FBXO11: variants seen among roughly 807,000 people sequenced by gnomAD.
The protein encoded by FBXO11 is F-box only protein 11.
Under a neutral mutation model 117.0 loss-of-function variants are expected in FBXO11, and 13 were observed. The ratio of observed to expected loss-of-function variants is 0.11; its 90% CI spans 0.07 to 0.18. FBXO11 has a LOEUF of 0.18. FBXO11 is among the 10% of genes least tolerant of loss of function. The pLI, the probability that FBXO11 is intolerant of heterozygous loss-of-function variation, is 1.00. For missense variants in FBXO11, 767 were observed against 1,164.4 expected, an observed-to-expected ratio of 0.66 and a Z score of 4.97; for synonymous variants, 490 against 380.5, an observed-to-expected ratio of 1.29 and a Z score of -3.35.
intron 16 of FBXO11, 153 bp downstream of exon 16, chr2:47,818,626 T>C: frequency 1.6e-6 from 1 of 632,624 alleles, no homozygotes; most frequent in Non-Finnish European, 2.8e-6. Flanking sequence ...AAAGCTACAT[T>C]CTGACAATTT....
chr2:47,897,901 T>A (rs1248014634), intron 1 of FBXO11, among the ~76,000 whole-genome samples: 3 of 152,092 alleles, frequency 2.0e-5, no homozygotes, highest in Non-Finnish European at 4.4e-5. Flanking sequence ...TCTCTAAGTA[T>A]GAGAAAATAC....
At chr2:47,884,873 T>C (rs1309108153) in intron 1 of FBXO11, among the ~76,000 whole-genome samples, 1 of 150,610 alleles carries the variant, frequency 6.6e-6, no homozygotes, top group East Asian at 1.9e-4. Flanking sequence ...AGAAGTTTAC[T>C]GTAAAACAGG....
intron 1 of FBXO11, among the ~76,000 whole-genome samples, chr2:47,860,512 G>A (rs1366275913): frequency 6.6e-6 from 1 of 151,218 alleles, no homozygotes; most frequent in Admixed American, 6.6e-5. Flanking sequence ...CCAGGTTCAA[G>A]CAATTCTCCT....
At chr2:47,902,204 G>T (rs887523920) in intron 1 of FBXO11, among the ~76,000 whole-genome samples, 4 of 152,332 alleles carry the variant, frequency 2.6e-5, no homozygotes, top group African/African-American at 9.6e-5. Flanking sequence ...AAAGTGCTGG[G>T]ATTACAGGCG....
chr2:47,878,386 C>T (rs958638865), intron 1 of FBXO11, among the ~76,000 whole-genome samples: 42 of 151,894 alleles, frequency 2.8e-4, no homozygotes, highest in African/African-American at 1.0e-3. Context: ...AAGACAGAGT[C>T]TCACTCTGTC....
chr2:47,869,590 C>T (rs1281427470), intron 1 of FBXO11, among the ~76,000 whole-genome samples: 1 of 152,122 alleles, frequency 6.6e-6, no homozygotes, highest in Non-Finnish European at 1.5e-5. Flanking sequence ...TTTGGGTTAT[C>T]CCACCAGGTA....
At chr2:47,875,926 C>T (rs1400603685) in intron 1 of FBXO11, among the ~76,000 whole-genome samples, 8 of 152,154 alleles carry the variant, frequency 5.3e-5, no homozygotes, top group Non-Finnish European at 4.4e-5. Context: ...AGAAAAGCAG[C>T]AGCAGCAGCA....
intron 11 of FBXO11, among the ~76,000 whole-genome samples, chr2:47,825,823 C>T (rs112364231): frequency 1.3e-5 from 2 of 151,912 alleles, no homozygotes; most frequent in African/African-American, 4.8e-5. Context: ...GCAATCCTCC[C>T]GCCTTGGCCT....
At chr2:47,813,518 A>G in intron 17 of FBXO11, 141 bp from the exon 18 acceptor site, 1 of 597,582 alleles carries the variant, frequency 1.7e-6, no homozygotes, top group Non-Finnish European at 2.6e-6. Context: ...TGCAACCTCC[A>G]CCTCCCGGGT....
At chr2:47,904,504 G>C (rs1008447341) in intron 1 of FBXO11, among the ~76,000 whole-genome samples, 2 of 152,022 alleles carry the variant, frequency 1.3e-5, no homozygotes, top group South Asian at 4.1e-4. Context: ...GTGGTTACCA[G>C]ACAGTGCTAA....
intron 16 of FBXO11, among the ~76,000 whole-genome samples, chr2:47,816,044 A>G (rs1255983314): frequency 6.6e-6 from 1 of 152,182 alleles, no homozygotes; most frequent in South Asian, 2.1e-4. Context: ...TGCTGTCTAG[A>G]TCAGCCTGCC....
chr2:47,847,509 G>C lies in FBXO11; in HGVS notation c.233-7740C>G, dbSNP rs148618038. Among the ~76,000 whole-genome samples the C allele has an allele frequency of 5.1e-3, 774 of 152,064 alleles. 2 individuals are homozygous for C. Among genetic ancestry groups the C allele is most frequent in the Non-Finnish European group, 8.2e-3 (556 of 67,976 alleles). On this transcript the variant is annotated intron_variant, in intron 1 of 22. Coordinates refer to ENST00000403359, the MANE Select transcript of FBXO11 (RefSeq NM_001190274.2). ...GGATCATTTGAGGTCTGGAGTTTGG[G>C]ACCAGCCTGGTCAACATGGTGAAAC...
rs1229469413 is a variant in FBXO11 at position 47,813,368 on chromosome 2, C to T, written c.2093G>A (p.Cys698Tyr). ...GILVYNSGLG[C>Y]IEDNEIFDNA... ...GTCAAATATTTCATTGTCTTCTATA[C>T]AGCCTAGACCTATAAATGCAAAAAT... is the stretch of plus-strand genomic sequence containing the variant. Residue 698 changes from cysteine (C) to tyrosine (Y), a missense_variant, in exon 18 of 23, where the codon TGT becomes TAT. By Grantham distance (194) the Cys-to-Tyr change is radical. Transcript: ENST00000403359. 5.0e-6 allele frequency: 8 copies of T among 1,584,970 alleles called. No homozygotes were observed. Among genetic ancestry groups the T allele is most frequent in the Non-Finnish European group, 6.9e-6 (8 of 1,166,516 alleles).
At chr2:47,889,197 T>A (rs1382459006) in intron 1 of FBXO11, among the ~76,000 whole-genome samples, 1 of 152,190 alleles carries the variant, frequency 6.6e-6, no homozygotes. Context: ...AAACAAAAGC[T>A]TTGTTTAAAT....
In FBXO11 at chr2:47,905,942, G is replaced by GCC; in HGVS notation, c.-224_-223dup. Reference sequence around the variant, plus strand: ...AGACCGAGCGAGGCCGGCCGGGAGGGCCTGACGCACGGGGAAGGCCGAAGC... The same window carrying GCC: ...AGACCGAGCGAGGCCGGCCGGGAGGGCCCCTGACGCACGGGGAAGGCCGAAGC... On this transcript the variant is annotated 5_prime_UTR_variant, in exon 1 of 23. Coordinates refer to ENST00000403359, the MANE Select transcript of FBXO11 (RefSeq NM_001190274.2). 1 of 478,962 alleles carries GCC rather than the reference G, an allele frequency of 2.1e-6. No homozygotes were observed. The highest frequency in any genetic ancestry group is 3.5e-6 in the Non-Finnish European group (1 of 283,954). 29.7% of individuals were successfully genotyped at this position (478,962 alleles called of 1,614,324 possible).
At chr2:47,888,255 G>C (rs1033356043) in intron 1 of FBXO11, among the ~76,000 whole-genome samples, 1 of 152,108 alleles carries the variant, frequency 6.6e-6, no homozygotes, top group African/African-American at 2.4e-5. Flanking sequence ...TTTGGAACCA[G>C]AACAGGTAAC....
At chr2:47,825,705 T>A (rs941082657) in intron 11 of FBXO11, among the ~76,000 whole-genome samples, 1 of 151,450 alleles carries the variant, frequency 6.6e-6, no homozygotes, top group East Asian at 2.0e-4. Context: ...ACCTCCCAAG[T>A]AGCTGAGACC....
intron 1 of FBXO11, among the ~76,000 whole-genome samples, chr2:47,877,665 C>A (rs1331406201): frequency 6.6e-6 from 1 of 152,066 alleles, no homozygotes; most frequent in Non-Finnish European, 1.5e-5. Flanking sequence ...ACCTCCCACC[C>A]CAGAATAAGG....
chr2:47,822,077 C>G, intron 13 of FBXO11, 141 bp downstream of exon 13: 1 of 637,960 alleles, frequency 1.6e-6, no homozygotes, highest in Non-Finnish European at 2.7e-6. Context: ...GAGAGTAAGA[C>G]CTCATTTCTT....
Sources: allele counts gnomAD v4.1 joint callset (sites outside exome capture counted in the v4.1 genomes callset), GRCh38; gene constraint gnomAD v4.1.1; transcripts MANE v1.5; gene names NCBI Gene and HGNC (gene_info 2026-07-23, HGNC 2026-07-21).